Variants in SFMBT2 observed in about 807,000 individuals in gnomAD.
SFMBT2 encodes the protein scm-like with four MBT domains protein 2.
Under a neutral mutation model 110.1 loss-of-function variants are expected in SFMBT2, and 38 were observed. The ratio of observed to expected loss-of-function variants is 0.35; its 90% CI spans 0.27 to 0.45. SFMBT2 has a LOEUF of 0.45. Among genes scored for constraint, SFMBT2 ranks in the 20% least tolerant of loss-of-function variants. The probability of loss-of-function intolerance (pLI) is 1.00; values close to 1 mark genes in which losing one functional copy is unlikely to be tolerated. For missense variants in SFMBT2, 1,011 were observed against 1,094.9 expected (o/e 0.92, Z 1.08); for synonymous variants, 425 against 425.4 (o/e 1.00, Z 0.01).
At chr10:7,254,523 T>G (rs1370867572) in intron 7 of SFMBT2, among the ~76,000 whole-genome samples, 1 of 152,130 alleles carries the variant, frequency 6.6e-6, no homozygotes, top group African/African-American at 2.4e-5. Context: ...TGACTCATGA[T>G]GATAAAAGAT....
At chr10:7,252,256 T>C (rs1840835109) in intron 7 of SFMBT2, among the ~76,000 whole-genome samples, 1 of 152,140 alleles carries the variant, frequency 6.6e-6, no homozygotes, top group Non-Finnish European at 1.5e-5. Flanking sequence ...CCCTGCCCTC[T>C]CTGAGGACTT....
intron 4 of SFMBT2, among the ~76,000 whole-genome samples, chr10:7,352,486 T>A (rs1186477788): frequency 6.6e-6 from 1 of 152,108 alleles, no homozygotes; most frequent in African/African-American, 2.4e-5. Flanking sequence ...CCACACCTGG[T>A]TAATTTTTTT....
chr10:7,269,490 T>C (rs1841503102), intron 7 of SFMBT2, among the ~76,000 whole-genome samples: 1 of 152,202 alleles, frequency 6.6e-6, no homozygotes, highest in Non-Finnish European at 1.5e-5. Context: ...TTCTTGGAAA[T>C]ACCGCTCATC....
At chr10:7,347,522 T>C (rs113300387) in intron 4 of SFMBT2, among the ~76,000 whole-genome samples, 16 of 152,216 alleles carry the variant, frequency 1.1e-4, no homozygotes, top group African/African-American at 3.6e-4. Flanking sequence ...AAAGGGACCA[T>C]GAAATTTAGA....
At chr10:7,389,426 A>G (rs1845709734) in intron 1 of SFMBT2, among the ~76,000 whole-genome samples, 1 of 152,258 alleles carries the variant, frequency 6.6e-6, no homozygotes, top group Non-Finnish European at 1.5e-5. Flanking sequence ...GAACAAAGTA[A>G]AAGTGTCTAT....
At chr10:7,329,785 C>A (rs565332873) in intron 4 of SFMBT2, among the ~76,000 whole-genome samples, 1 of 152,190 alleles carries the variant, frequency 6.6e-6, no homozygotes, top group African/African-American at 2.4e-5. Flanking sequence ...GTGCCCAGGA[C>A]AAGGGTTCCA....
At chr10:7,206,660 C>G in intron 11 of SFMBT2, 3 of 855,030 alleles carry the variant, frequency 3.5e-6, no homozygotes, top group Non-Finnish European at 4.2e-6. Flanking sequence ...TACAGTCATG[C>G]CTTATGAGGA....
rs747307465 is a variant in SFMBT2, at chr10:7,163,349, T to C, written c.*421A>G. 6.2e-6 allele frequency: 1 copy of C among 162,350 alleles called. No individual in the cohort carries two copies. The highest frequency in any genetic ancestry group is 1.3e-5 in the Non-Finnish European group (1 of 74,704). 10.1% of individuals were successfully genotyped at this position (162,350 alleles called of 1,614,324 possible). A position where few individuals can be genotyped will look rare whatever the true frequency, so the allele number is the denominator to read the frequency against. On this transcript the variant is annotated 3_prime_UTR_variant, in exon 21 of 21. Coordinates refer to ENST00000397167, the MANE Select transcript of SFMBT2 (RefSeq NM_001387889.1). This position sits in a 1 kb window ranked among gnomAD's most constrained non-coding sequence, Gnocchi z 4.8. ...ACACGCCTATCCATGGGAAACTGCA[T>C]ATATAAATGTGCTCGTGTGATTACA...
At chr10:7,393,781 C>T (rs1325624593) in intron 1 of SFMBT2, among the ~76,000 whole-genome samples, 1 of 152,134 alleles carries the variant, frequency 6.6e-6, no homozygotes, top group Non-Finnish European at 1.5e-5. Flanking sequence ...TGCCTTTGCC[C>T]TCTGACCCCT....
chr10:7,337,968 C>T (rs552016775), intron 4 of SFMBT2, among the ~76,000 whole-genome samples: 1 of 152,358 alleles, frequency 6.6e-6, no homozygotes, highest in East Asian at 1.9e-4. Context: ...GCAAACTCTG[C>T]TGCACATCTG....
intron 4 of SFMBT2, among the ~76,000 whole-genome samples, chr10:7,311,535 A>G (rs1842857691): frequency 6.6e-6 from 1 of 152,234 alleles, no homozygotes; most frequent in African/African-American, 2.4e-5. Context: ...TGATTGACTT[A>G]CAACTCTGCC....
At chr10:7,363,724 C>T (rs1844801762) in intron 4 of SFMBT2, among the ~76,000 whole-genome samples, 1 of 152,136 alleles carries the variant, frequency 6.6e-6, no homozygotes, top group South Asian at 2.1e-4. Flanking sequence ...ATACCCCCCT[C>T]ATGCAAAGAT....
intron 12 of SFMBT2, 42 bp from the exon 13 acceptor site, chr10:7,202,564 A>C (rs768952026): frequency 6.2e-7 from 1 of 1,614,082 alleles, no homozygotes; most frequent in South Asian, 1.1e-5. Flanking sequence ...CAGCTTTGTT[A>C]GTGGGGCAAG....
chr10:7,229,673 A>C (rs185407533), intron 9 of SFMBT2, among the ~76,000 whole-genome samples: 2 of 151,396 alleles, frequency 1.3e-5, no homozygotes, highest in East Asian at 1.9e-4. Flanking sequence ...CAAGCAAAGA[A>C]TACGAATTAT....
intron 20 of SFMBT2, chr10:7,164,375 G>A: frequency 5.2e-6 from 5 of 969,870 alleles, no homozygotes; most frequent in Non-Finnish European, 4.9e-6. Context: ...AACACAGCAG[G>A]AGACTCTCTA....
In SFMBT2 at chr10:7,185,873, T is replaced by C. The variant is rs12261695; in HGVS notation, c.1808+2751A>G. Among the ~76,000 whole-genome samples, 1,379 of 152,222 alleles carry C rather than the reference T, an allele frequency of 9.1e-3. 22 individuals are homozygous for C. The highest frequency in any genetic ancestry group is 0.032 in the African/African-American group (1,319 of 41,516). On this transcript the variant is annotated intron_variant, in intron 16 of 20. Coordinates refer to ENST00000397167, the MANE Select transcript of SFMBT2 (RefSeq NM_001387889.1). ...TAAGATATAGCCTAATTCCTCCTCC[T>C]GTAATTCAAAACAATGCAGGTAAAT... is the stretch of plus-strand genomic sequence containing the variant.
intron 4 of SFMBT2, among the ~76,000 whole-genome samples, chr10:7,314,342 T>C (rs1440598690): frequency 6.6e-6 from 1 of 152,122 alleles, no homozygotes; most frequent in Non-Finnish European, 1.5e-5. Context: ...TACAGAAAAA[T>C]CCACAAAGCA....
At chr10:7,267,183 T>G (rs947213894) in intron 7 of SFMBT2, among the ~76,000 whole-genome samples, 1 of 152,032 alleles carries the variant, frequency 6.6e-6, no homozygotes, top group Non-Finnish European at 1.5e-5. Flanking sequence ...GCACCTCTTG[T>G]CACAGCTGGG....
In SFMBT2 at chr10:7,237,476, A is replaced by G. The variant is rs113289625; in HGVS notation, c.1120+6082T>C. On this transcript the variant is annotated intron_variant, in intron 9 of 20. Coordinates refer to ENST00000397167, the MANE Select transcript of SFMBT2 (RefSeq NM_001387889.1). ...CTATTTTAATTTGACGGTAATAAAAACAATGATACTGGTAAGGCATAAACA... is the reference window on the plus strand; with the variant it reads ...CTATTTTAATTTGACGGTAATAAAAGCAATGATACTGGTAAGGCATAAACA... 3.4e-3 allele frequency among the ~76,000 whole-genome samples: 512 copies of G among 152,350 alleles called. 2 individuals carry two copies. Among genetic ancestry groups the G allele is most frequent in the African/African-American group, 0.011 (463 of 41,584 alleles).
Sources: gnomAD v4.1 joint callset for allele counts (sites outside exome capture counted in the v4.1 genomes callset) on GRCh38, gnomAD v4.1.1 for gene constraint, Gnocchi (gnomAD v3.1) non-coding constraint, MANE v1.5 for transcripts, NCBI Gene and HGNC (gene_info 2026-07-23, HGNC 2026-07-21) for gene names.